PTPRG: variants seen among roughly 807,000 people sequenced by gnomAD.
The protein encoded by PTPRG is receptor-type tyrosine-protein phosphatase gamma.
Under a neutral mutation model 165.3 loss-of-function variants are expected in PTPRG, and 102 were observed. The observed-to-expected ratio is 0.62, with a 90% confidence interval of 0.53 to 0.73. The LOEUF is 0.73. PTPRG is among the 30% of genes least tolerant of loss of function. The pLI is 0.00. For synonymous variants in PTPRG, 675 were observed against 669.5 expected, an observed-to-expected ratio of 1.01 and a Z score of -0.13; for missense variants, 1,866 against 1,861.4, an observed-to-expected ratio of 1.00 and a Z score of -0.05.
At chr3:61,908,318 C>T (rs1336510305) in intron 2 of PTPRG, among the ~76,000 whole-genome samples, 1 of 139,358 alleles carries the variant, frequency 7.2e-6, no homozygotes, top group South Asian at 2.4e-4. Flanking sequence ...CCCAGCTACT[C>T]GGGAGGCTGA....
At chr3:61,733,897 A>C (rs770013654) in intron 1 of PTPRG, among the ~76,000 whole-genome samples, 1 of 152,180 alleles carries the variant, frequency 6.6e-6, no homozygotes, top group Non-Finnish European at 1.5e-5. Flanking sequence ...TGCCAGGCTC[A>C]AGCGGTCCTC....
intron 10 of PTPRG, among the ~76,000 whole-genome samples, chr3:62,196,303 T>C (rs1035933077): frequency 6.6e-6 from 1 of 151,974 alleles, no homozygotes; most frequent in African/African-American, 2.4e-5. Flanking sequence ...CTTGGGAGAC[T>C]GAAGCAGGAG....
chr3:61,659,632 T>C (rs1008760413), intron 1 of PTPRG, among the ~76,000 whole-genome samples: 1 of 152,180 alleles, frequency 6.6e-6, no homozygotes, highest in African/African-American at 2.4e-5. Context: ...CCCAGTAGAT[T>C]GCATTTTGAG....
Position 61,796,693 on chromosome 3 carries a change from G to A in PTPRG, c.190+47711G>A, listed in dbSNP as rs73084072. On this transcript the variant is annotated intron_variant, in intron 2 of 29. Transcript: ENST00000474889. Reference sequence around the variant, plus strand: ...TGGATGAATCCTTCTGACTTTTTAGGTCATAGATTTTGTGTTGATTCTTAA... The same window carrying A: ...TGGATGAATCCTTCTGACTTTTTAGATCATAGATTTTGTGTTGATTCTTAA... Among the ~76,000 whole-genome samples the A allele has an allele frequency of 1.3e-3, 195 of 152,282 alleles. 2 individuals are homozygous for A. The highest frequency in any genetic ancestry group is 2.0e-3 in the Non-Finnish European group (139 of 68,016).
At chr3:62,022,328 T>TA (rs2041715199) in intron 4 of PTPRG, among the ~76,000 whole-genome samples, 1 of 152,226 alleles carries the variant, frequency 6.6e-6, no homozygotes, top group South Asian at 2.1e-4. Context: ...AACTAGATCA[T>TA]AAAATGTCTG....
intron 14 of PTPRG, among the ~76,000 whole-genome samples, chr3:62,242,061 A>G (rs181748601): frequency 2.6e-3 from 400 of 152,370 alleles, no homozygotes; most frequent in Non-Finnish European, 4.8e-3. Context: ...ATCCAAGAGT[A>G]GAAAACTTAA....
intron 6 of PTPRG, among the ~76,000 whole-genome samples, chr3:62,144,798 G>C (rs1055548386): frequency 6.6e-6 from 1 of 152,128 alleles, no homozygotes; most frequent in African/African-American, 2.4e-5. Flanking sequence ...GGGATGCTGT[G>C]CGACTTCTAT....
chr3:61,749,059 A>G (rs759118307), intron 2 of PTPRG, 77 bp downstream of exon 2: 19 of 1,127,478 alleles, frequency 1.7e-5, no homozygotes, highest in Non-Finnish European at 2.4e-5. Context: ...CACACTTTGA[A>G]TCACTTTTAT....
intron 2 of PTPRG, among the ~76,000 whole-genome samples, chr3:61,831,763 T>A (rs1373369289): frequency 6.6e-6 from 1 of 152,214 alleles, no homozygotes. Context: ...TATGGGTAAA[T>A]GATATTTTTG....
At position 61,929,226 on chromosome 3, in the gene PTPRG, T is replaced by G. The variant is rs553003053; in HGVS notation, c.191-60399T>G. ...AAGCCTTCTTTTTTAAAATAACAGATGTGAGACTTCTGAGCCACATTTTTC... is the reference window on the plus strand; with the variant it reads ...AAGCCTTCTTTTTTAAAATAACAGAGGTGAGACTTCTGAGCCACATTTTTC... On this transcript the variant is annotated intron_variant, in intron 2 of 29. Transcript: ENST00000474889. Among the ~76,000 whole-genome samples the G allele has an allele frequency of 3.9e-5, 6 of 152,222 alleles. No individual in the cohort carries two copies. In the South Asian group the frequency reaches 1.2e-3, roughly 32 times the overall value.
rs541334670 is a variant in PTPRG, at chr3:62,046,941, C to T, written c.520-31222C>T. Among the ~76,000 whole-genome samples, 178 of 152,164 alleles carry T rather than the reference C, an allele frequency of 1.2e-3. 6 individuals are homozygous for T. The South Asian group carries it at 0.034, about 29-fold the overall frequency. ...ACTGAGCTAATTATGAACATTATGC[C>T]GTTCTCTCAATGTGCTAAGCAGGTA... On this transcript the variant is annotated intron_variant, in intron 4 of 29. Coordinates refer to ENST00000474889, the MANE Select transcript of PTPRG (RefSeq NM_002841.4).
At chr3:62,169,432 T>TC (rs1705133810) in intron 8 of PTPRG, among the ~76,000 whole-genome samples, 1 of 152,196 alleles carries the variant, frequency 6.6e-6, no homozygotes, top group Non-Finnish European at 1.5e-5. Flanking sequence ...CGGTATCTGA[T>TC]AAACATAAGT....
At chr3:61,592,641 C>CTTTTTTTTTTTT (rs773860673) in intron 1 of PTPRG, among the ~76,000 whole-genome samples, 8 of 139,976 alleles carry the variant, frequency 5.7e-5, no homozygotes, top group Admixed American at 1.4e-4. Flanking sequence ...TTCTTTCTTT[C>CTTTTTTTTTTTT]TTTCTTTCTT....
At chr3:61,720,725 A>C (rs529349442) in intron 1 of PTPRG, among the ~76,000 whole-genome samples, 1 of 152,354 alleles carries the variant, frequency 6.6e-6, no homozygotes, top group African/African-American at 2.4e-5. Context: ...GATTGAGTAC[A>C]TTAAAATAAT....
At chr3:61,578,068 T>C (rs542267124) in intron 1 of PTPRG, among the ~76,000 whole-genome samples, 2 of 152,322 alleles carry the variant, frequency 1.3e-5, no homozygotes, top group South Asian at 4.1e-4. Flanking sequence ...AAAGCCGTTG[T>C]TATTATTTTA....
intron 3 of PTPRG, among the ~76,000 whole-genome samples, chr3:61,991,788 T>G (rs1323450625): frequency 6.6e-6 from 1 of 152,234 alleles, no homozygotes; most frequent in Non-Finnish European, 1.5e-5. Context: ...GTTTTCTACT[T>G]GACTTGCAAC....
rs528775015 is a variant in PTPRG at position 61,991,102 on chromosome 3, A to G, written c.370+1298A>G. On this transcript the variant is annotated intron_variant, in intron 3 of 29. Transcript: ENST00000474889. Reference sequence around the variant, plus strand: ...CTTTTTTATAATGCCCCCAGAAACAATTCTGCTTCCTGTGTTATAGCAGGT... The same window carrying G: ...CTTTTTTATAATGCCCCCAGAAACAGTTCTGCTTCCTGTGTTATAGCAGGT... Among the ~76,000 whole-genome samples, 11 of 152,256 alleles carry G rather than the reference A, an allele frequency of 7.2e-5. 1 individual carries two copies. In the South Asian group the frequency reaches 2.3e-3, roughly 32 times the overall value.
chr3:61,788,607 ATTGT>A (rs2034780617), intron 2 of PTPRG, among the ~76,000 whole-genome samples: 1 of 152,172 alleles, frequency 6.6e-6, no homozygotes, highest in Admixed American at 6.5e-5. Flanking sequence ...GAAAATAAAG[ATTGT>A]TTCTTTTTCA....
intron 4 of PTPRG, among the ~76,000 whole-genome samples, chr3:62,035,889 A>G (rs1699922177): frequency 6.6e-6 from 1 of 152,190 alleles, no homozygotes; most frequent in Non-Finnish European, 1.5e-5. Flanking sequence ...TTGTAGGCCT[A>G]TGTCCAGCAA....
Sources: allele counts gnomAD v4.1 joint callset (sites outside exome capture counted in the v4.1 genomes callset), GRCh38; gene constraint gnomAD v4.1.1; transcripts MANE v1.5; gene names NCBI Gene and HGNC (gene_info 2026-07-23, HGNC 2026-07-21).